SUCLG1: variants seen among roughly 807,000 people sequenced by gnomAD.
SUCLG1 encodes the protein succinate--CoA ligase [ADP/GDP-forming] subunit alpha, mitochondrial.
A neutral mutation model predicts 37.3 loss-of-function variants in SUCLG1; 26 were observed. The ratio of observed to expected loss-of-function variants is 0.70; its 90% confidence interval spans 0.51 to 0.97. The LOEUF (loss-of-function observed/expected upper bound fraction) is 0.97, where lower values mean the gene tolerates loss of function less well. SUCLG1 is among the 50% of genes least tolerant of loss of function. The pLI, the probability that SUCLG1 is intolerant of heterozygous loss-of-function variation, is 0.00. For synonymous variants in SUCLG1, 163 were observed against 155.6 expected (o/e 1.05, Z -0.36); for missense variants, 433 against 432.9 (o/e 1.00, Z 0.00).
intron 1 of SUCLG1, among the ~76,000 whole-genome samples, chr2:84,454,884 C>A (rs1457701216): frequency 6.6e-6 from 1 of 152,188 alleles, no homozygotes; most frequent in African/African-American, 2.4e-5. Flanking sequence ...TGCTCCTAAC[C>A]AATAACCCAA....
chr2:84,438,542 A>G (rs1172897639), intron 5 of SUCLG1, among the ~76,000 whole-genome samples: 1 of 152,238 alleles, frequency 6.6e-6, no homozygotes, highest in African/African-American at 2.4e-5. Context: ...AAGGGACTGA[A>G]AAGTCCTTCC....
chr2:84,447,465 C>T lies in SUCLG1; in HGVS notation c.201+2184G>A, dbSNP rs139828358. On this transcript the variant is annotated intron_variant, in intron 2 of 8. Transcript: ENST00000393868. Reference sequence around the variant, plus strand: ...CTTACACCATGGGCAATGGTTCTTACAAAAAAGCTCACAGCTTAAAATGTC... The same window carrying T: ...CTTACACCATGGGCAATGGTTCTTATAAAAAAGCTCACAGCTTAAAATGTC... Among the ~76,000 whole-genome samples, 3 of 152,134 alleles carry T rather than the reference C, an allele frequency of 2.0e-5. No homozygotes were observed. The East Asian group carries it at 5.8e-4, about 29-fold the overall frequency.
Position 84,449,717 on chromosome 2 carries a change from C to G in SUCLG1, c.133G>C (p.Ala45Pro), listed in dbSNP as rs559133044. The part of the protein sequence containing the change: ...QNGIRHCSYT[A>P]SRQHLYVDKN... ...TCAACATAGAGATGTTGCCGAGAAG[C>G]TGTGTAGGAACAATGCCGAATTCCA... is the stretch of plus-strand genomic sequence containing the variant. Residue 45 changes from alanine (A) to proline (P), a missense_variant, in exon 2 of 9, where the codon GCT becomes CCT. Ala to Pro is a conservative substitution (Grantham distance 27). Transcript: ENST00000393868. 3 of 1,585,944 alleles carry G rather than the reference C, an allele frequency of 1.9e-6. No individual in the cohort carries two copies. In the Admixed American group the frequency reaches 5.3e-5, roughly 28 times the overall value.
intron 8 of SUCLG1, among the ~76,000 whole-genome samples, chr2:84,424,683 T>G (rs986237982): frequency 7.2e-5 from 11 of 152,136 alleles, no homozygotes; most frequent in African/African-American, 2.7e-4. Flanking sequence ...TTTTTGCTTT[T>G]TGTGTGTGTG....
chr2:84,448,846 C>A, intron 2 of SUCLG1: 1 of 229,510 alleles, frequency 4.4e-6, no homozygotes, highest in Non-Finnish European at 9.2e-6. Flanking sequence ...ATATATAATT[C>A]TATATAATAA....
intron 5 of SUCLG1, among the ~76,000 whole-genome samples, chr2:84,435,198 T>C (rs1672669806): frequency 6.6e-6 from 1 of 152,154 alleles, no homozygotes; most frequent in Non-Finnish European, 1.5e-5. Context: ...AGATGGAGTG[T>C]TTCACCTCCA....
At chr2:84,440,996 G>C (rs1573369527) in intron 5 of SUCLG1, 51 bp downstream of exon 5, 1 of 1,575,392 alleles carries the variant, frequency 6.3e-7, no homozygotes, top group Non-Finnish European at 8.7e-7. Context: ...AGTTTTGAGG[G>C]TTTAAGGCAA....
At chr2:84,449,799 A>G in intron 1 of SUCLG1, 47 bp from the exon 2 acceptor site, 1 of 1,378,312 alleles carries the variant, frequency 7.3e-7, no homozygotes, top group African/African-American at 1.5e-5. Flanking sequence ...ACACATTATA[A>G]TTTTTCTAAA....
chr2:84,433,483 A>G (rs1672640681), intron 5 of SUCLG1, 48 bp from the exon 6 acceptor site: 5 of 1,514,302 alleles, frequency 3.3e-6, no homozygotes, highest in Non-Finnish European at 4.6e-6. Flanking sequence ...TCTATGTTAG[A>G]CTAAAACATG....
At chr2:84,425,677 G>A in intron 7 of SUCLG1, 74 bp from the exon 8 acceptor site, 1 of 1,536,522 alleles carries the variant, frequency 6.5e-7, no homozygotes, top group East Asian at 2.2e-5. Flanking sequence ...TCATGACTCT[G>A]CTGGTAAATG....
intron 3 of SUCLG1, 76 bp from the exon 4 acceptor site, chr2:84,441,535 TTAA>T: frequency 6.8e-7 from 1 of 1,468,558 alleles, no homozygotes; most frequent in South Asian, 1.2e-5. Flanking sequence ...TACCATCATT[TTAA>T]TAATGTCTTG....
intron 1 of SUCLG1, among the ~76,000 whole-genome samples, chr2:84,456,123 TA>T: frequency 6.6e-6 from 1 of 152,234 alleles, no homozygotes; most frequent in African/African-American, 2.4e-5. Context: ...AACTACACTT[TA>T]AATGCATCTC....
intron 1 of SUCLG1, among the ~76,000 whole-genome samples, chr2:84,452,997 C>G (rs1672963589): frequency 6.6e-6 from 1 of 152,196 alleles, no homozygotes; most frequent in Admixed American, 6.5e-5. Context: ...ATATAAAGAT[C>G]ATAGGTTTCC....
chr2:84,434,788 A>G (rs1406421977), intron 5 of SUCLG1, among the ~76,000 whole-genome samples: 2 of 152,204 alleles, frequency 1.3e-5, no homozygotes, highest in East Asian at 3.9e-4. Context: ...TCTTAAACAA[A>G]GTGCTATGTC....
intron 7 of SUCLG1, among the ~76,000 whole-genome samples, chr2:84,429,988 A>C (rs1285945680): frequency 6.6e-6 from 1 of 152,218 alleles, no homozygotes; most frequent in Admixed American, 6.5e-5. Flanking sequence ...TCAGAGACAG[A>C]TCTTGGTAAC....
intron 8 of SUCLG1, among the ~76,000 whole-genome samples, chr2:84,424,725 G>A (rs1229210114): frequency 6.6e-6 from 1 of 151,930 alleles, no homozygotes; most frequent in Non-Finnish European, 1.5e-5. Context: ...AAAATAATGA[G>A]GGAGAGAGAG....
intron 1 of SUCLG1, among the ~76,000 whole-genome samples, chr2:84,453,959 G>A (rs992770878): frequency 6.6e-6 from 1 of 152,184 alleles, no homozygotes; most frequent in African/African-American, 2.4e-5. Context: ...ATGTAACCCA[G>A]AGCATACCTT....
chr2:84,439,532 T>A (rs1290606695), intron 5 of SUCLG1, among the ~76,000 whole-genome samples: 1 of 152,202 alleles, frequency 6.6e-6, no homozygotes, highest in Admixed American at 6.5e-5. Context: ...AAATCTCTCT[T>A]GTAAATGAAA....
intron 5 of SUCLG1, among the ~76,000 whole-genome samples, chr2:84,439,928 A>G (rs1672741968): frequency 6.6e-6 from 1 of 152,174 alleles, no homozygotes; most frequent in Non-Finnish European, 1.5e-5. Flanking sequence ...ACATTTTGAG[A>G]AAGTTTGTGA....
Sources: allele counts gnomAD v4.1 joint callset (sites outside exome capture counted in the v4.1 genomes callset), GRCh38; gene constraint gnomAD v4.1.1; transcripts MANE v1.5; gene names NCBI Gene and HGNC (gene_info 2026-07-23, HGNC 2026-07-21).